The following PACC1 variants were observed in gnomAD, a reference collection of about 807,000 sequenced individuals.
PACC1 encodes proton activated chloride channel 1.
In PACC1, 34 loss-of-function variants were observed where a neutral mutation model predicts 39.7. That is an observed-to-expected ratio of 0.86 (90% CI 0.65 to 1.14). The LOEUF is 1.14. Among genes scored for constraint, PACC1 ranks in the 50% most tolerant of loss-of-function variants. PACC1 has a pLI of 0.00. For missense variants in PACC1, 379 were observed against 436.4 expected (o/e 0.87, Z 1.17); for synonymous variants, 127 against 160.6 (o/e 0.79, Z 1.58).
At chr1:212,400,109 G>C (rs902376189) in intron 2 of PACC1, among the ~76,000 whole-genome samples, 1 of 151,914 alleles carries the variant, frequency 6.6e-6, no homozygotes, top group African/African-American at 2.4e-5. Context: ...GCCTCCCAAA[G>C]TGCTGGGATT....
intron 2 of PACC1, among the ~76,000 whole-genome samples, chr1:212,396,361 C>T (rs1661516695): frequency 6.6e-6 from 1 of 152,100 alleles, no homozygotes; most frequent in African/African-American, 2.4e-5. Context: ...ACTGCATGTT[C>T]TCACTCATAG....
chr1:212,413,799 A>T, intron 1 of PACC1: 2 of 1,333,278 alleles, frequency 1.5e-6, no homozygotes, highest in Non-Finnish European at 2.0e-6. Flanking sequence ...CCTCAAGGCA[A>T]ATCTGGAGAG....
Position 212,366,205 on chromosome 1 carries a change from G to A in PACC1, c.892-829C>T, listed in dbSNP as rs528700502. 2.0e-5 allele frequency among the ~76,000 whole-genome samples: 3 copies of A among 152,076 alleles called. No individual in the cohort carries two copies. In the South Asian group the frequency reaches 6.2e-4, roughly 32 times the overall value. On this transcript the variant is annotated intron_variant, in intron 7 of 7. Transcript: ENST00000261455. The stretch of plus-strand genomic sequence containing the variant: ...TGGAATCAATAATTTAAAACAATAG[G>A]ATTGTTCTCTCACTAACTCTTGAAG...
chr1:212,375,123 T>C, intron 7 of PACC1, 70 bp downstream of exon 7: 2 of 1,259,950 alleles, frequency 1.6e-6, no homozygotes, highest in Non-Finnish European at 2.2e-6. Flanking sequence ...TCTTAAATAA[T>C]ACATCTATCA....
intron 2 of PACC1, among the ~76,000 whole-genome samples, chr1:212,390,066 G>A (rs578102719): frequency 7.4e-4 from 113 of 152,084 alleles, no homozygotes; most frequent in South Asian, 3.3e-3. Flanking sequence ...AATGGAGCCC[G>A]GAAAATTGTT....
chr1:212,385,935 G>A (rs1661085082), intron 3 of PACC1, among the ~76,000 whole-genome samples: 2 of 152,178 alleles, frequency 1.3e-5, no homozygotes, highest in African/African-American at 2.4e-5. Context: ...GGGCAGCAAT[G>A]CTAAGACAGC....
At chr1:212,379,856 AAGT>A (rs1323017045) in intron 5 of PACC1, 36 bp downstream of exon 5, 1 of 1,612,088 alleles carries the variant, frequency 6.2e-7, no homozygotes, top group Non-Finnish European at 8.5e-7. Flanking sequence ...ATAAGATAAA[AAGT>A]AGACAGTAAG....
intron 2 of PACC1, among the ~76,000 whole-genome samples, chr1:212,390,338 G>A (rs1030010075): frequency 2.1e-4 from 32 of 151,096 alleles, no homozygotes; most frequent in African/African-American, 5.9e-4. Context: ...CAGGAGAATC[G>A]CTTGAACCCG....
chr1:212,372,061 G>A (rs1660478641), intron 7 of PACC1, among the ~76,000 whole-genome samples: 1 of 152,116 alleles, frequency 6.6e-6, no homozygotes, highest in Admixed American at 6.5e-5. Flanking sequence ...GAGGTGGGCA[G>A]ATCACTTGAG....
At chr1:212,388,263 C>T (rs1234254747) in intron 2 of PACC1, among the ~76,000 whole-genome samples, 1 of 152,042 alleles carries the variant, frequency 6.6e-6, no homozygotes, top group Admixed American at 6.6e-5. Flanking sequence ...CCAGTCTTAT[C>T]CCTAACTGAA....
intron 7 of PACC1, among the ~76,000 whole-genome samples, chr1:212,367,614 C>T (rs557510141): frequency 2.0e-5 from 3 of 152,280 alleles, no homozygotes; most frequent in Admixed American, 6.5e-5. Context: ...TGATACTGCA[C>T]TGGTCTGGGA....
rs941742761 is a variant in PACC1 at position 212,386,150 on chromosome 1, A to G, written c.344-725T>C. Among the ~76,000 whole-genome samples, 2 of 152,008 alleles carry G rather than the reference A, an allele frequency of 1.3e-5. No homozygotes were observed. Among genetic ancestry groups the G allele is most frequent in the African/African-American group, 4.8e-5 (2 of 41,374 alleles). On this transcript the variant is annotated intron_variant, in intron 3 of 7. Coordinates refer to ENST00000261455, the MANE Select transcript of PACC1 (RefSeq NM_018252.3). The surrounding 1 kb of genome is among the most constrained non-coding windows in gnomAD (Gnocchi z 5.0). ...GAAGCCCCAGAGAGAGGGCACCCGGACTCTGGCTCTGCCATGTGAGCAGGC... is the reference window on the plus strand; with the variant it reads ...GAAGCCCCAGAGAGAGGGCACCCGGGCTCTGGCTCTGCCATGTGAGCAGGC...
rs371380668 is a variant in PACC1 at position 212,414,825 on chromosome 1, G to T, written c.-68C>A. On this transcript the variant is annotated 5_prime_UTR_variant, in exon 1 of 8. Coordinates refer to ENST00000261455, the MANE Select transcript of PACC1 (RefSeq NM_018252.3). ...CGCGGCGCACGGACGCAGCACTGCG[G>T]CCGCTGCACCTGGACCTACCGGCTC... The T allele has an allele frequency of 1.0e-3, 1,611 of 1,594,094 alleles. 10 individuals are homozygous for T. Among genetic ancestry groups the T allele is most frequent in the Non-Finnish European group, 7.3e-4 (853 of 1,164,136 alleles).
chr1:212,366,594 G>C (rs1201809029), intron 7 of PACC1, among the ~76,000 whole-genome samples: 1 of 152,148 alleles, frequency 6.6e-6, no homozygotes, highest in African/African-American at 2.4e-5. Flanking sequence ...TTAGCAGGGT[G>C]ACCTTAGTAT....
intron 2 of PACC1, among the ~76,000 whole-genome samples, chr1:212,407,137 C>T (rs529422314): frequency 1.3e-5 from 2 of 152,296 alleles, no homozygotes; most frequent in Non-Finnish European, 2.9e-5. Context: ...GGGAGATTAT[C>T]CTGGGTTACC....
At chr1:212,409,266 C>T (rs1662036243) in intron 2 of PACC1, among the ~76,000 whole-genome samples, 1 of 151,962 alleles carries the variant, frequency 6.6e-6, no homozygotes. Context: ...ACAGCAATAG[C>T]CGGAAAGGAG....
intron 2 of PACC1, among the ~76,000 whole-genome samples, chr1:212,394,489 G>A (rs1661440654): frequency 6.6e-6 from 1 of 152,102 alleles, no homozygotes; most frequent in Non-Finnish European, 1.5e-5. Context: ...ATACTGAATG[G>A]GCAAAAACTG....
At chr1:212,388,840 A>C (rs1158563226) in intron 2 of PACC1, among the ~76,000 whole-genome samples, 1 of 152,074 alleles carries the variant, frequency 6.6e-6, no homozygotes, top group Admixed American at 6.6e-5. Flanking sequence ...CTCAGCTGAA[A>C]ATGGAGCTCC....
intron 7 of PACC1, among the ~76,000 whole-genome samples, chr1:212,373,482 C>T (rs80090172): frequency 0.11 from 17,406 of 151,978 alleles, 1,451 homozygotes; most frequent in Non-Finnish European, 0.17. Context: ...TCAACAAAGG[C>T]GAAAACAGAA....
Sources: allele counts gnomAD v4.1 joint callset (sites outside exome capture counted in the v4.1 genomes callset), GRCh38; gene constraint gnomAD v4.1.1; non-coding constraint Gnocchi (gnomAD v3.1); transcripts MANE v1.5; gene names NCBI Gene and HGNC (gene_info 2026-07-23, HGNC 2026-07-21).